Variants in GSE1 observed in about 807,000 individuals in gnomAD.
GSE1 encodes the protein Gse1 coiled-coil protein, also known as genetic suppressor element 1.
In GSE1, 32 loss-of-function variants were observed where a neutral mutation model predicts 112.6. The ratio of observed to expected loss-of-function variants is 0.28; its 90% CI spans 0.21 to 0.38. GSE1 has a LOEUF of 0.38. Ranked by LOEUF, GSE1 falls within the 10% of genes least tolerant of loss-of-function variation. The pLI, the probability that GSE1 is intolerant of heterozygous loss-of-function variation, is 1.00. For synonymous variants in GSE1, 1,115 were observed against 735.6 expected (o/e 1.52, Z -8.35); for missense variants, 2,348 against 1,699.2 (o/e 1.38, Z -6.71).
intron 1 of GSE1, among the ~76,000 whole-genome samples, chr16:85,238,087 G>T (rs1485758377): frequency 1.3e-5 from 2 of 152,198 alleles, no homozygotes; most frequent in Non-Finnish European, 2.9e-5. Flanking sequence ...GAGGCTGGAG[G>T]TTCTGCCTTG....
intron 1 of GSE1, among the ~76,000 whole-genome samples, chr16:85,222,380 G>A (rs753028068): frequency 8.5e-5 from 13 of 152,240 alleles, no homozygotes; most frequent in Non-Finnish European, 1.5e-4. Context: ...GGGCGGGCTG[G>A]AGGCTATGCC....
intron 2 of GSE1, among the ~76,000 whole-genome samples, chr16:85,429,750 C>G (rs2049076209): frequency 6.6e-6 from 1 of 152,266 alleles, no homozygotes; most frequent in African/African-American, 2.4e-5. Context: ...CCCACCTGCA[C>G]AGCCCTGCAT....
At chr16:85,213,524 G>C (rs1221688579) in intron 1 of GSE1, among the ~76,000 whole-genome samples, 1 of 152,166 alleles carries the variant, frequency 6.6e-6, no homozygotes, top group African/African-American at 2.4e-5. Flanking sequence ...TGTGTACTTT[G>C]TCATTGCCAT....
chr16:85,549,876 G>C (rs961372817), intron 2 of GSE1, among the ~76,000 whole-genome samples: 8 of 152,164 alleles, frequency 5.3e-5, no homozygotes, highest in African/African-American at 1.9e-4. Flanking sequence ...TGGTCACTGT[G>C]GTGCCCATCT....
intron 2 of GSE1, among the ~76,000 whole-genome samples, chr16:85,426,064 T>TGGATGGATGGAA (rs1457096621): frequency 0.019 from 2,578 of 135,358 alleles, 79 homozygotes; most frequent in African/African-American, 0.068. Flanking sequence ...GATGGATGGA[T>TGGATGGATGGAA]GGATGGATGG....
At chr16:85,525,493 C>G (rs2052337409) in intron 2 of GSE1, among the ~76,000 whole-genome samples, 1 of 152,228 alleles carries the variant, frequency 6.6e-6, no homozygotes, top group South Asian at 2.1e-4. Context: ...TCCCTCCTAC[C>G]CTGCTCATGA....
intron 2 of GSE1, among the ~76,000 whole-genome samples, chr16:85,526,855 G>A (rs2052380076): frequency 6.6e-6 from 1 of 152,210 alleles, no homozygotes; most frequent in Non-Finnish European, 1.5e-5. Context: ...TTTGTTCCAG[G>A]GAGCTGCTAG....
At chr16:85,566,567 A>G (rs565170537) in intron 1 of GSE1, among the ~76,000 whole-genome samples, 1 of 151,932 alleles carries the variant, frequency 6.6e-6, no homozygotes, top group South Asian at 2.1e-4. Flanking sequence ...CACCTCCCCA[A>G]CCCCAGAAGA....
chr16:85,672,587 AT>A lies in GSE1; in HGVS notation c.*52del. The stretch of plus-strand genomic sequence containing the variant: ...AACCTATAGTATAGAAATATTATCT[AT>A]TTTATTACCTTGAATATTTAATATT... On this transcript the variant is annotated 3_prime_UTR_variant, in exon 16 of 16. Transcript: ENST00000253458. 7.7e-7 allele frequency: 1 copy of A among 1,305,544 alleles called. No individual in the cohort carries two copies. Among genetic ancestry groups the A allele is most frequent in the Non-Finnish European group, 1.1e-6 (1 of 951,002 alleles). 80.9% of individuals were successfully genotyped at this position (1,305,544 alleles called of 1,614,324 possible).
At chr16:85,330,818 C>T (rs906672867) in intron 1 of GSE1, among the ~76,000 whole-genome samples, 3 of 152,214 alleles carry the variant, frequency 2.0e-5, no homozygotes, top group African/African-American at 4.8e-5. Flanking sequence ...CACATCTTCC[C>T]TGTCTTTCTC....
chr16:85,345,141 C>G (rs576815754), intron 1 of GSE1, among the ~76,000 whole-genome samples: 42 of 146,440 alleles, frequency 2.9e-4, no homozygotes, highest in East Asian at 2.1e-4. Flanking sequence ...CGGGCCAAGT[C>G]CAGCTGGCTG....
chr16:85,436,543 C>T (rs2049250431), intron 2 of GSE1, among the ~76,000 whole-genome samples: 1 of 152,258 alleles, frequency 6.6e-6, no homozygotes, highest in Non-Finnish European at 1.5e-5. Context: ...AGGGGGCCTC[C>T]CTTCCTCTGT....
At chr16:85,416,348 G>A (rs2048701961) in intron 2 of GSE1, among the ~76,000 whole-genome samples, 1 of 152,164 alleles carries the variant, frequency 6.6e-6, no homozygotes, top group African/African-American at 2.4e-5. Flanking sequence ...AAGGTTGAAT[G>A]TATAATTCTG....
rs139959526 is a variant in GSE1, at chr16:85,423,968, G to A, written c.2464+66325G>A. On this transcript the variant is annotated intron_variant, in intron 2 of 2. Transcript: ENST00000637419. ...GAGTGACGTGAGGCCACTTCCTGGA[G>A]GCTGGCACTGCCTGCTCTCCTCGAG... Among the ~76,000 whole-genome samples, 149 of 152,216 alleles carry A rather than the reference G, an allele frequency of 9.8e-4. 1 individual carries two copies. Among genetic ancestry groups the A allele is most frequent in the African/African-American group, 3.4e-3 (142 of 41,458 alleles).
At chr16:85,532,052 C>T (rs2044156032) in intron 2 of GSE1, among the ~76,000 whole-genome samples, 1 of 152,120 alleles carries the variant, frequency 6.6e-6, no homozygotes, top group Non-Finnish European at 1.5e-5. Flanking sequence ...TTGCTCTGAG[C>T]GCGTTGTATA....
chr16:85,463,152 G>T (rs1418638384), intron 2 of GSE1: 2 of 978,846 alleles, frequency 2.0e-6, no homozygotes, highest in Non-Finnish European at 2.4e-6. Context: ...CCGCCCCGTG[G>T]ACGGGAGGGT....
chr16:85,255,137 C>T (rs905857099), intron 1 of GSE1, among the ~76,000 whole-genome samples: 7 of 152,204 alleles, frequency 4.6e-5, no homozygotes, highest in African/African-American at 4.8e-5. Flanking sequence ...GAGGGGCGGG[C>T]GTGAGAGGCA....
At chr16:85,402,430 G>C (rs1251363272) in intron 2 of GSE1, among the ~76,000 whole-genome samples, 1 of 152,322 alleles carries the variant, frequency 6.6e-6, no homozygotes. Flanking sequence ...TGAGCGAATA[G>C]GGAAGGTCAT....
chr16:85,416,939 C>T (rs1383940242), intron 2 of GSE1, among the ~76,000 whole-genome samples: 1 of 152,212 alleles, frequency 6.6e-6, no homozygotes, highest in East Asian at 1.9e-4. Context: ...GCTGCAGCCT[C>T]AACCTCCCAG....
Sources: gnomAD v4.1 joint callset for allele counts (sites outside exome capture counted in the v4.1 genomes callset) on GRCh38, gnomAD v4.1.1 for gene constraint, MANE v1.5 for transcripts, NCBI Gene and HGNC (gene_info 2026-07-23, HGNC 2026-07-21) for gene names.